LPXN: variants seen among roughly 807,000 people sequenced by gnomAD.
LPXN encodes the protein leupaxin.
Under a neutral mutation model 45.6 loss-of-function variants are expected in LPXN, and 28 were observed. The observed-to-expected ratio is 0.61, with a 90% CI of 0.45 to 0.84. The LOEUF (loss-of-function observed/expected upper bound fraction) is 0.84, where lower values mean the gene tolerates loss of function less well. Ranked by LOEUF, LPXN falls within the 40% of genes least tolerant of loss-of-function variation. The probability of loss-of-function intolerance (pLI) is 0.00; values close to 1 mark genes in which losing one functional copy is unlikely to be tolerated. For missense variants in LPXN, 459 were observed against 475.0 expected, an observed-to-expected ratio of 0.97 and a Z score of 0.31; for synonymous variants, 166 against 169.9, an observed-to-expected ratio of 0.98 and a Z score of 0.18.
At chr11:58,561,497 T>C (rs141295514) in intron 3 of LPXN, among the ~76,000 whole-genome samples, 64 of 152,344 alleles carry the variant, frequency 4.2e-4, no homozygotes, top group Admixed American at 1.4e-3. Context: ...ATGCAAGTAA[T>C]TGATTCAATC....
chr11:58,527,345 T>A lies in LPXN; in HGVS notation c.*109A>T, dbSNP rs1041822465. On this transcript the variant is annotated 3_prime_UTR_variant, in exon 9 of 9. Coordinates refer to ENST00000395074, the MANE Select transcript of LPXN (RefSeq NM_004811.3). ...TTTATTTGCTCATCACCTTTCCTTT[T>A]TCTATAAGACTATTAAGCAGAAGGT... 1.3e-5 allele frequency: 15 copies of A among 1,146,914 alleles called. No individual in the cohort carries two copies. The Admixed American group carries it at 3.4e-4, about 26-fold the overall frequency. The allele number at this position is 1,146,914 out of a possible 1,614,324, so 71.0% of individuals were successfully genotyped here. A position where few individuals can be genotyped will look rare whatever the true frequency, so the allele number is the denominator to read the frequency against.
chr11:58,576,709 A>T (rs1854903289), upstream of LPXN, among the ~76,000 whole-genome samples: 1 of 152,206 alleles, frequency 6.6e-6, no homozygotes, highest in African/African-American at 2.4e-5. Context: ...TGCTAAGATA[A>T]TTAATTGGTA....
At chr11:58,537,179 A>T (rs1019799431) in intron 7 of LPXN, among the ~76,000 whole-genome samples, 2 of 152,270 alleles carry the variant, frequency 1.3e-5, no homozygotes, top group Non-Finnish European at 2.9e-5. Context: ...CCAAAGCATT[A>T]TAAATCATTC....
Position 58,550,019 on chromosome 11 carries a change from T to C in LPXN, c.614A>G (p.Gln205Arg). 1 of 1,614,140 alleles carries C rather than the reference T, an allele frequency of 6.2e-7. No homozygotes were observed. Among genetic ancestry groups the C allele is most frequent in the Non-Finnish European group, 8.5e-7 (1 of 1,180,032 alleles). The change falls in exon 6 of 9, where the codon CAA becomes CGA. Residue 205 changes from glutamine to arginine, a missense_variant. Coordinates refer to ENST00000395074, the MANE Select transcript of LPXN (RefSeq NM_004811.3). ...GTAAGCACAGCGTGGAGAAAAAAGT[T>C]GGTGGTAGTCGTTGGGGCAGTAGGC... ...GLAYCPNDYH[Q>R]LFSPRCAYCA... is the part of the protein sequence containing the mutation.
chr11:58,543,748 G>A (rs1853799124), intron 7 of LPXN, among the ~76,000 whole-genome samples: 1 of 152,136 alleles, frequency 6.6e-6, no homozygotes, highest in Non-Finnish European at 1.5e-5. Context: ...TATCAGCTGA[G>A]CACAAATAGC....
intron 3 of LPXN, among the ~76,000 whole-genome samples, chr11:58,557,212 A>G (rs1393025301): frequency 1.3e-5 from 2 of 152,168 alleles, no homozygotes; most frequent in Non-Finnish European, 2.9e-5. Context: ...AAATAAATGG[A>G]ATTACCACTT....
At chr11:58,563,645 T>C (rs1423452964) in intron 3 of LPXN, among the ~76,000 whole-genome samples, 1 of 152,228 alleles carries the variant, frequency 6.6e-6, no homozygotes, top group Non-Finnish European at 1.5e-5. Context: ...AGTAAGTGTA[T>C]CTGTTTTAAT....
intron 2 of LPXN, among the ~76,000 whole-genome samples, chr11:58,567,863 G>A (rs1332492059): frequency 6.6e-6 from 1 of 152,068 alleles, no homozygotes; most frequent in Non-Finnish European, 1.5e-5. Flanking sequence ...AATTCAAAAG[G>A]CATTACCATA....
intron 3 of LPXN, among the ~76,000 whole-genome samples, chr11:58,561,107 CCT>C (rs903029980): frequency 7.1e-4 from 108 of 152,156 alleles, no homozygotes; most frequent in African/African-American, 2.2e-3. Flanking sequence ...AAACCAAAAC[CCT>C]CTGTCTCACG....
At chr11:58,556,542 A>G (rs1854209768) in intron 3 of LPXN, among the ~76,000 whole-genome samples, 2 of 152,054 alleles carry the variant, frequency 1.3e-5, no homozygotes, top group African/African-American at 4.8e-5. Flanking sequence ...TAAGAGAATT[A>G]TATATTTGAA....
At chr11:58,540,548 A>G (rs1483462224) in intron 7 of LPXN, among the ~76,000 whole-genome samples, 1 of 152,248 alleles carries the variant, frequency 6.6e-6, no homozygotes, top group African/African-American at 2.4e-5. Flanking sequence ...TTAATATTCC[A>G]GCAAGAAAAA....
At chr11:58,562,785 G>T (rs1854415472) in intron 3 of LPXN, among the ~76,000 whole-genome samples, 1 of 147,468 alleles carries the variant, frequency 6.8e-6, no homozygotes, top group South Asian at 2.2e-4. Flanking sequence ...GCTGCTGACA[G>T]AGATCCTGTG....
chr11:58,549,986 G>A lies in LPXN; in HGVS notation c.647C>T (p.Ala216Val), dbSNP rs1182398238. 3.1e-6 allele frequency: 5 copies of A among 1,614,096 alleles called. No homozygotes were observed. Among genetic ancestry groups the A allele is most frequent in the Non-Finnish European group, 4.2e-6 (5 of 1,180,008 alleles). The change falls in exon 6 of 9, where the codon GCT becomes GTT. Residue 216 changes from alanine (A) to valine (V), a missense_variant. Transcript: ENST00000395074. ...GGATTTACTTACATCCAGGATGGGA[G>A]CAGCGCAGTAAGCACAGCGTGGAGA... ...LFSPRCAYCA[A>V]PILDKVLTAM...
Position 58,549,976 on chromosome 11 carries a change from C to T in LPXN, c.657G>A (p.Leu219=). 2 of 1,614,088 alleles carry T rather than the reference C, an allele frequency of 1.2e-6. No individual in the cohort carries two copies. The highest frequency in any genetic ancestry group is 8.5e-7 in the Non-Finnish European group (1 of 1,179,958). The change falls in exon 6 of 9, where the codon CTG becomes CTA. Residue 219 remains leucine (L), a synonymous_variant. Coordinates refer to ENST00000395074, the MANE Select transcript of LPXN (RefSeq NM_004811.3). ...PRCAYCAAPI[L]DKVLTAMNQT... ...AGAGGAGCGGGGATTTACTTACATCCAGGATGGGAGCAGCGCAGTAAGCAC... is the reference window on the plus strand; with the variant it reads ...AGAGGAGCGGGGATTTACTTACATCTAGGATGGGAGCAGCGCAGTAAGCAC...
At chr11:58,559,802 G>T (rs1055495054) in intron 3 of LPXN, among the ~76,000 whole-genome samples, 4 of 152,174 alleles carry the variant, frequency 2.6e-5, no homozygotes, top group Admixed American at 2.6e-4. Flanking sequence ...CTTGAGCCCA[G>T]GAGGTCAAGG....
rs922769295 is a variant in LPXN at position 58,560,750 on chromosome 11, C to T, written c.218+3405G>A. Among the ~76,000 whole-genome samples, 5 of 152,140 alleles carry T rather than the reference C, an allele frequency of 3.3e-5. No individual in the cohort carries two copies. The South Asian group carries it at 6.2e-4, about 19-fold the overall frequency. Reference sequence around the variant, plus strand: ...GTTAAAAACTTTTTTGTACATAATACAGTTGGCAAGTAACAAAGAGCTTGG... The same window carrying T: ...GTTAAAAACTTTTTTGTACATAATATAGTTGGCAAGTAACAAAGAGCTTGG... On this transcript the variant is annotated intron_variant, in intron 3 of 8. Coordinates refer to ENST00000395074, the MANE Select transcript of LPXN (RefSeq NM_004811.3).
intron 7 of LPXN, among the ~76,000 whole-genome samples, chr11:58,529,808 T>C (rs1853333253): frequency 6.6e-6 from 1 of 152,078 alleles, no homozygotes; most frequent in Admixed American, 6.6e-5. Flanking sequence ...AGAAGGCAGG[T>C]GATTTCTGCA....
chr11:58,534,628 C>A (rs1233899276), intron 7 of LPXN, among the ~76,000 whole-genome samples: 2 of 152,008 alleles, frequency 1.3e-5, no homozygotes, highest in African/African-American at 4.8e-5. Flanking sequence ...GAAGCAAGAG[C>A]AAACAAATTA....
chr11:58,529,125 A>ATT, intron 7 of LPXN, among the ~76,000 whole-genome samples: 1 of 152,272 alleles, frequency 6.6e-6, no homozygotes, highest in East Asian at 1.9e-4. Context: ...AACTGTCATA[A>ATT]ATAAAGCCCA....
Sources: allele counts gnomAD v4.1 joint callset (sites outside exome capture counted in the v4.1 genomes callset), GRCh38; gene constraint gnomAD v4.1.1; transcripts MANE v1.5; gene names NCBI Gene and HGNC (gene_info 2026-07-23, HGNC 2026-07-21).